Variants in SLC30A9 observed in about 807,000 individuals in gnomAD.
SLC30A9 encodes proton-coupled zinc antiporter SLC30A9, mitochondrial.
SLC30A9 carries 58 observed loss-of-function variants against 87.5 expected under a neutral mutation model. That is an observed-to-expected ratio of 0.66 (90% CI 0.54 to 0.82). SLC30A9 has a LOEUF of 0.82. SLC30A9 is among the 40% of genes least tolerant of loss of function. The probability of loss-of-function intolerance (pLI) is 0.00; values close to 1 mark genes in which losing one functional copy is unlikely to be tolerated. For missense variants in SLC30A9, 557 were observed against 679.1 expected (o/e 0.82, Z 2.00); for synonymous variants, 234 against 233.0 (o/e 1.00, Z -0.04).
At chr4:42,018,452 G>A in intron 3 of SLC30A9, 3 of 1,253,154 alleles carry the variant, frequency 2.4e-6, no homozygotes, top group Middle Eastern at 2.2e-4. Context: ...GAAGAGTAAG[G>A]CAATTAAAGA....
chr4:42,056,625 C>T (rs1158196539), intron 9 of SLC30A9, among the ~76,000 whole-genome samples: 2 of 152,152 alleles, frequency 1.3e-5, no homozygotes, highest in African/African-American at 4.8e-5. Flanking sequence ...CCCGCCCCAG[C>T]CCCTCCCGAA....
chr4:42,013,343 A>G (rs1715531620), intron 2 of SLC30A9, among the ~76,000 whole-genome samples: 1 of 152,250 alleles, frequency 6.6e-6, no homozygotes, highest in Admixed American at 6.5e-5. Context: ...CTAGAGTAAC[A>G]TTTATTTTTC....
At position 42,027,372 on chromosome 4, in the gene SLC30A9, G is replaced by A. The variant is rs1050301325; in HGVS notation, c.610+3988G>A. Among the ~76,000 whole-genome samples the A allele has an allele frequency of 3.3e-5, 5 of 152,216 alleles. No individual in the cohort carries two copies. The East Asian group carries it at 7.7e-4, about 24-fold the overall frequency. On this transcript the variant is annotated intron_variant, in intron 6 of 17. Transcript: ENST00000264451. ...AGCTCCGACAGAGACTGCGTGTGGT[G>A]CTCCTGTCACTTTGCACTGCTACTC...
intron 9 of SLC30A9, among the ~76,000 whole-genome samples, chr4:42,057,906 A>G (rs1169654450): frequency 6.6e-6 from 1 of 151,986 alleles, no homozygotes; most frequent in Non-Finnish European, 1.5e-5. Flanking sequence ...AATCGAGACC[A>G]TCCTGGCCAA....
chr4:41,998,447 A>G (rs900468003), intron 1 of SLC30A9, among the ~76,000 whole-genome samples: 9 of 150,090 alleles, frequency 6.0e-5, no homozygotes, highest in African/African-American at 2.2e-4. Flanking sequence ...ACTGGAATTA[A>G]TGAATTCAGT....
chr4:42,029,565 GA>G, intron 6 of SLC30A9: 3 of 694,436 alleles, frequency 4.3e-6, no homozygotes, highest in Non-Finnish European at 7.9e-6. Context: ...ATTCAGCCCA[GA>G]AGGATGACAT....
chr4:42,013,550 A>G lies in SLC30A9; in HGVS notation c.275-4561A>G, dbSNP rs569877145. On this transcript the variant is annotated intron_variant, in intron 2 of 17. Coordinates refer to ENST00000264451, the MANE Select transcript of SLC30A9 (RefSeq NM_006345.4). Reference sequence around the variant, plus strand: ...TTTACTGTTATAAAGACAGACACATAAACCAATGGAACAGAATACAGAGCC... The same window carrying G: ...TTTACTGTTATAAAGACAGACACATGAACCAATGGAACAGAATACAGAGCC... Among the ~76,000 whole-genome samples, 701 of 152,308 alleles carry G rather than the reference A, an allele frequency of 4.6e-3. 5 individuals are homozygous for G. Among genetic ancestry groups the G allele is most frequent in the African/African-American group, 0.016 (675 of 41,560 alleles).
At chr4:42,071,592 G>A (rs1577721330) in intron 15 of SLC30A9, among the ~76,000 whole-genome samples, 2 of 149,826 alleles carry the variant, frequency 1.3e-5, no homozygotes, top group South Asian at 4.2e-4. Flanking sequence ...GAGGCCACGA[G>A]TTTGAGGCTA....
chr4:42,002,813 C>G (rs1190231170), intron 2 of SLC30A9, among the ~76,000 whole-genome samples: 1 of 151,990 alleles, frequency 6.6e-6, no homozygotes, highest in Non-Finnish European at 1.5e-5. Flanking sequence ...GGCTGGAGTT[C>G]TTTGAGAAAT....
At chr4:42,038,870 A>G in intron 7 of SLC30A9, 116 bp from the exon 8 acceptor site, 1 of 646,362 alleles carries the variant, frequency 1.5e-6, no homozygotes, top group Non-Finnish European at 2.8e-6. Flanking sequence ...AAAAATAAGT[A>G]AATCTAATTC....
At chr4:42,013,716 C>T (rs572873392) in intron 2 of SLC30A9, among the ~76,000 whole-genome samples, 36 of 152,272 alleles carry the variant, frequency 2.4e-4, no homozygotes, top group South Asian at 1.7e-3. Context: ...AACTAGACCC[C>T]TTCTCTCGCC....
chr4:41,994,415 A>G (rs1436154239), intron 1 of SLC30A9, among the ~76,000 whole-genome samples: 1 of 151,774 alleles, frequency 6.6e-6, no homozygotes, highest in Non-Finnish European at 1.5e-5. Flanking sequence ...TAGAGCACAT[A>G]TTTCTTTTTT....
At chr4:41,993,959 C>T (rs1297578808) in intron 1 of SLC30A9, among the ~76,000 whole-genome samples, 1 of 152,054 alleles carries the variant, frequency 6.6e-6, no homozygotes, top group Non-Finnish European at 1.5e-5. Flanking sequence ...GAGTTCGAGA[C>T]CAGCCTGGCC....
At chr4:42,002,322 T>C (rs1366886994) in intron 2 of SLC30A9, among the ~76,000 whole-genome samples, 1 of 152,028 alleles carries the variant, frequency 6.6e-6, no homozygotes, top group East Asian at 1.9e-4. Context: ...GAGGGTTTGT[T>C]ACATGGTATT....
At position 42,066,580 on chromosome 4, in the gene SLC30A9, G is replaced by C. The variant is rs1280651892; in HGVS notation, c.1103G>C (p.Arg368Pro). 1.9e-6 allele frequency: 3 copies of C among 1,605,134 alleles called. No individual in the cohort carries two copies. Among genetic ancestry groups the C allele is most frequent in the Non-Finnish European group, 2.6e-6 (3 of 1,174,734 alleles). ...CTTCTTGTTGCTGTAAATGAACTTC[G>C]TAGGAATGCTCGGGCTAAAGGAATG... is the stretch of plus-strand genomic sequence containing the variant. ...ATLLVAVNEL[R>P]RNARAKGMSF... Residue 368 changes from arginine to proline, a missense_variant, in exon 13 of 18, where the codon CGT becomes CCT. Coordinates refer to ENST00000264451, the MANE Select transcript of SLC30A9 (RefSeq NM_006345.4).
At chr4:42,018,078 T>C (rs769086048) in intron 2 of SLC30A9, 33 bp from the exon 3 acceptor site, 45 of 1,204,060 alleles carry the variant, frequency 3.7e-5, no homozygotes, top group Non-Finnish European at 5.5e-5. Context: ...AAAGCAGTTG[T>C]TTAATGTAAA....
chr4:42,003,495 T>C (rs1715070497), intron 2 of SLC30A9, among the ~76,000 whole-genome samples: 1 of 152,154 alleles, frequency 6.6e-6, no homozygotes, highest in South Asian at 2.1e-4. Context: ...TACATACATA[T>C]TTAGAATTAT....
chr4:42,053,467 G>A (rs1385513406), intron 9 of SLC30A9, among the ~76,000 whole-genome samples: 4 of 152,086 alleles, frequency 2.6e-5, no homozygotes, highest in Non-Finnish European at 5.9e-5. Context: ...AAGGCAGGCA[G>A]ATCATCTGAG....
chr4:42,011,876 A>G (rs1423891655), intron 2 of SLC30A9, among the ~76,000 whole-genome samples: 2 of 152,214 alleles, frequency 1.3e-5, no homozygotes, highest in Admixed American at 6.5e-5. Context: ...TGTAGCCACT[A>G]AAGTAAAAAT....
Sources: gnomAD v4.1 joint callset for allele counts (sites outside exome capture counted in the v4.1 genomes callset) on GRCh38, gnomAD v4.1.1 for gene constraint, MANE v1.5 for transcripts, NCBI Gene and HGNC (gene_info 2026-07-23, HGNC 2026-07-21) for gene names.